The following BAIAP2L1 variants were observed in gnomAD, a reference collection of about 807,000 sequenced individuals.
BAIAP2L1 encodes BAR/IMD domain containing adaptor protein 2 like 1, also known as BAR/IMD domain-containing adapter protein 2-like 1.
In BAIAP2L1, 35 loss-of-function variants were observed where a neutral mutation model predicts 66.3. That is an observed-to-expected ratio of 0.53 (90% CI 0.40 to 0.70). The LOEUF (loss-of-function observed/expected upper bound fraction) is 0.70. Among genes scored for constraint, BAIAP2L1 ranks in the 30% least tolerant of loss-of-function variants. BAIAP2L1 has a pLI of 0.00. For synonymous variants in BAIAP2L1, 269 were observed against 248.7 expected (o/e 1.08, Z -0.77); for missense variants, 622 against 656.9 (o/e 0.95, Z 0.58).
chr7:98,355,049 A>C lies in BAIAP2L1; in HGVS notation c.207T>G (p.Thr69=), dbSNP rs375902485. The C allele has an allele frequency of 1.9e-6, 3 of 1,612,718 alleles. No individual in the cohort carries two copies. Among genetic ancestry groups the C allele is most frequent in the East Asian group, 2.2e-5 (1 of 44,870 alleles). The change falls in exon 3 of 14, where the codon ACT becomes ACG. Residue 69 remains threonine, a synonymous_variant. Transcript: ENST00000005260. ...GEIATGSPVS[T]ELGHVLIEIS... ...AAGGGACAGATCGCTCACCCAGTTC[A>C]GTTGACACGGGGGACCCAGTGGCAA...
chr7:98,361,252 G>A (rs911854922), intron 2 of BAIAP2L1, among the ~76,000 whole-genome samples: 4 of 152,042 alleles, frequency 2.6e-5, no homozygotes, highest in African/African-American at 7.2e-5. Context: ...AGCTACTTGG[G>A]AGGCTGAGGC....
At chr7:98,300,261 TC>T (rs11290747) in intron 12 of BAIAP2L1, among the ~76,000 whole-genome samples, 120,646 of 151,958 alleles carry the variant, frequency 0.79, 48,025 homozygotes, top group Non-Finnish European at 0.82. Flanking sequence ...ACACAGCCAT[TC>T]CCCCTGCTCC....
chr7:98,353,663 T>C (rs1280165436), intron 3 of BAIAP2L1, among the ~76,000 whole-genome samples: 1 of 141,038 alleles, frequency 7.1e-6, no homozygotes, highest in East Asian at 2.0e-4. Context: ...TTTTTATATA[T>C]ATAAATAATA....
At chr7:98,304,602 C>T (rs1017978039) in intron 11 of BAIAP2L1, among the ~76,000 whole-genome samples, 2 of 152,146 alleles carry the variant, frequency 1.3e-5, no homozygotes, top group Non-Finnish European at 2.9e-5. Flanking sequence ...GGCTGGAGTG[C>T]AATGACATGA....
chr7:98,318,945 CAA>C (rs369964958), intron 5 of BAIAP2L1, among the ~76,000 whole-genome samples: 43 of 114,550 alleles, frequency 3.8e-4, no homozygotes, highest in South Asian at 5.8e-4. Flanking sequence ...GACTCCATCT[CAA>C]AAAAAAAAAA....
chr7:98,390,897 C>T (rs1213857308), intron 1 of BAIAP2L1, among the ~76,000 whole-genome samples: 1 of 151,850 alleles, frequency 6.6e-6, no homozygotes, highest in African/African-American at 2.4e-5. Context: ...AGTGCGGTGG[C>T]GTGATTTCAG....
chr7:98,381,959 T>C (rs1471348676), intron 1 of BAIAP2L1, among the ~76,000 whole-genome samples: 1 of 144,526 alleles, frequency 6.9e-6, no homozygotes, highest in Admixed American at 7.2e-5. Context: ...GGAGTCTCGC[T>C]CTGTCACCCA....
chr7:98,383,308 A>G (rs1297877043), intron 1 of BAIAP2L1, among the ~76,000 whole-genome samples: 1 of 148,456 alleles, frequency 6.7e-6, no homozygotes, highest in African/African-American at 2.5e-5. Context: ...TTTCAGACAG[A>G]ATTTCCTTCT....
intron 3 of BAIAP2L1, among the ~76,000 whole-genome samples, chr7:98,343,904 G>A (rs756062955): frequency 2.2e-4 from 33 of 152,170 alleles, no homozygotes; most frequent in African/African-American, 5.5e-4. Flanking sequence ...TTTCCTGGCC[G>A]GCACAAAGGC....
At chr7:98,361,445 C>T (rs1205355240) in intron 2 of BAIAP2L1, among the ~76,000 whole-genome samples, 3 of 151,996 alleles carry the variant, frequency 2.0e-5, no homozygotes. Context: ...TCAGAAACTA[C>T]ATTTCTACTT....
intron 3 of BAIAP2L1, among the ~76,000 whole-genome samples, chr7:98,346,860 G>A (rs1014382359): frequency 2.0e-5 from 3 of 152,198 alleles, no homozygotes. Context: ...GACTGGAAAT[G>A]CTGACACTGT....
chr7:98,372,986 C>T (rs1351573918), intron 1 of BAIAP2L1, among the ~76,000 whole-genome samples: 2 of 152,116 alleles, frequency 1.3e-5, no homozygotes, highest in East Asian at 1.9e-4. Context: ...GTGATCTGGC[C>T]GCCTTGGCCT....
intron 1 of BAIAP2L1, among the ~76,000 whole-genome samples, chr7:98,370,970 G>C (rs1562788039): frequency 6.6e-6 from 1 of 152,168 alleles, no homozygotes; most frequent in South Asian, 2.1e-4. Flanking sequence ...CTTGTGAATA[G>C]AAAGGGTCCC....
chr7:98,368,348 G>T (rs1802434898), intron 1 of BAIAP2L1, among the ~76,000 whole-genome samples: 2 of 152,180 alleles, frequency 1.3e-5, no homozygotes, highest in African/African-American at 2.4e-5. Context: ...GAATCTGGGA[G>T]GCAGAGGTTG....
chr7:98,396,798 A>G (rs933789933), intron 1 of BAIAP2L1, among the ~76,000 whole-genome samples: 3 of 152,208 alleles, frequency 2.0e-5, no homozygotes, highest in Non-Finnish European at 4.4e-5. Context: ...AAAAATAAAT[A>G]AATAAAAATA....
In BAIAP2L1 at chr7:98,304,284, A is replaced by G; in HGVS notation, c.1334T>C (p.Met445Thr). Residue 445 changes from methionine (M) to threonine (T), a missense_variant, in exon 12 of 14, where the codon ATG (methionine) becomes ACG (threonine). By Grantham distance (81) the Met-to-Thr change is moderately conservative. Coordinates refer to ENST00000005260, the MANE Select transcript of BAIAP2L1 (RefSeq NM_018842.5). ...PPPDYLECLS[M>T]GAAADRRADS... The stretch of plus-strand genomic sequence containing the variant: ...TGCTCTCCTGTCGGCAGCTGCCCCC[A>G]TGGACAAGCATTCCAAGTAGTCGGG... 1 of 1,613,540 alleles carries G rather than the reference A, an allele frequency of 6.2e-7. No homozygotes were observed. Among genetic ancestry groups the G allele is most frequent in the South Asian group, 1.1e-5 (1 of 90,956 alleles).
chr7:98,367,676 C>T (rs976902816), intron 1 of BAIAP2L1, among the ~76,000 whole-genome samples: 1 of 151,990 alleles, frequency 6.6e-6, no homozygotes, highest in Non-Finnish European at 1.5e-5. Flanking sequence ...GCTGGGACTA[C>T]AGGCACCCAC....
At chr7:98,369,812 C>T (rs1055578788) in intron 1 of BAIAP2L1, among the ~76,000 whole-genome samples, 1 of 152,026 alleles carries the variant, frequency 6.6e-6, no homozygotes, top group East Asian at 1.9e-4. Flanking sequence ...ACTGGGATTA[C>T]AGATGCCTGC....
chr7:98,383,333 G>T lies in BAIAP2L1; in HGVS notation c.51+17469C>A, dbSNP rs543257360. On this transcript the variant is annotated intron_variant, in intron 1 of 13. Transcript: ENST00000005260. ...AATTTCCTTCTTGTTGACCAGGCTGGAGTGCAATGGTGCGATCTTGGCTCA... is the reference window on the plus strand; with the variant it reads ...AATTTCCTTCTTGTTGACCAGGCTGTAGTGCAATGGTGCGATCTTGGCTCA... Among the ~76,000 whole-genome samples the T allele has an allele frequency of 1.5e-4, 23 of 149,510 alleles. No homozygotes were observed. The East Asian group carries it at 4.3e-3, about 28-fold the overall frequency.
Sources: allele counts gnomAD v4.1 joint callset (sites outside exome capture counted in the v4.1 genomes callset), GRCh38; gene constraint gnomAD v4.1.1; transcripts MANE v1.5; gene names NCBI Gene and HGNC (gene_info 2026-07-23, HGNC 2026-07-21).